SLC2A14: variants seen among roughly 807,000 people sequenced by gnomAD.
SLC2A14 encodes solute carrier family 2, facilitated glucose transporter member 14.
A neutral mutation model predicts 43.0 loss-of-function variants in SLC2A14; 13 were observed. The observed-to-expected ratio is 0.30, with a 90% CI of 0.20 to 0.48. SLC2A14 has a LOEUF of 0.48. Among genes scored for constraint, SLC2A14 ranks in the 20% least tolerant of loss-of-function variants. The pLI is 0.99. For synonymous variants in SLC2A14, 190 were observed against 233.8 expected, an observed-to-expected ratio of 0.81 and a Z score of 1.71; for missense variants, 428 against 620.4, an observed-to-expected ratio of 0.69 and a Z score of 3.29.
At chr12:7,886,424 CT>C (rs1176747459) in intron 1 of SLC2A14, among the ~76,000 whole-genome samples, 2 of 151,180 alleles carry the variant, frequency 1.3e-5, no homozygotes, top group Non-Finnish European at 2.9e-5. Flanking sequence ...CCAGGCTGGT[CT>C]CAAATACCTG....
At chr12:7,849,146 C>T (rs770598342) in intron 2 of SLC2A14, among the ~76,000 whole-genome samples, 13 of 152,148 alleles carry the variant, frequency 8.5e-5, no homozygotes, top group Admixed American at 5.9e-4. Context: ...TGAGACACTG[C>T]GCCCGCTTTC....
chr12:7,841,422 G>A lies in SLC2A14; in HGVS notation c.19-8608C>T, dbSNP rs1372050411. 3.9e-5 allele frequency among the ~76,000 whole-genome samples: 6 copies of A among 152,010 alleles called. No individual in the cohort carries two copies. The East Asian group carries it at 7.8e-4, about 20-fold the overall frequency. Reference sequence around the variant, plus strand: ...ATTACAGGCACCCATCACCATGCCCGGCTAATTTTTGTATTTTTAGTAGAG... The same window carrying A: ...ATTACAGGCACCCATCACCATGCCCAGCTAATTTTTGTATTTTTAGTAGAG... On this transcript the variant is annotated intron_variant, in intron 2 of 10. Coordinates refer to ENST00000431042, the MANE Select transcript of SLC2A14 (RefSeq NM_001286234.2).
intron 10 of SLC2A14, among the ~76,000 whole-genome samples, chr12:7,814,826 G>A (rs756745526): frequency 1.3e-5 from 2 of 151,820 alleles, no homozygotes; most frequent in Admixed American, 1.3e-4. Context: ...TGGAGATGGA[G>A]TCTCACTCTG....
chr12:7,841,005 T>G (rs1865906178), intron 2 of SLC2A14, among the ~76,000 whole-genome samples: 1 of 152,186 alleles, frequency 6.6e-6, no homozygotes, highest in African/African-American at 2.4e-5. Flanking sequence ...CCCTTTCTCT[T>G]TCATCCCAGA....
chr12:7,877,223 C>T (rs1945478624), upstream of SLC2A14, among the ~76,000 whole-genome samples: 2 of 152,128 alleles, frequency 1.3e-5, no homozygotes, highest in South Asian at 4.1e-4. Flanking sequence ...GTCTTGAACT[C>T]CTGACCTCAG....
intron 1 of SLC2A14, among the ~76,000 whole-genome samples, chr12:7,887,278 GA>G (rs1350437471): frequency 2.6e-5 from 4 of 151,142 alleles, no homozygotes; most frequent in Non-Finnish European, 5.9e-5. Context: ...ATAGCATTCA[GA>G]AAAATCACCT....
chr12:7,883,585 C>CTTT (rs1378522679), intron 1 of SLC2A14, among the ~76,000 whole-genome samples: 1 of 121,080 alleles, frequency 8.3e-6, no homozygotes, highest in African/African-American at 3.2e-5. Context: ...TTTTCTTTTT[C>CTTT]TTTTCTTTTT....
intron 2 of SLC2A14, among the ~76,000 whole-genome samples, chr12:7,862,369 C>G (rs1017106354): frequency 5.3e-5 from 8 of 151,984 alleles, no homozygotes; most frequent in Admixed American, 4.6e-4. Context: ...CCCAGCAGTG[C>G]CAGCCCACCG....
chr12:7,817,945 C>T lies in SLC2A14; in HGVS notation c.1161G>A (p.Trp387Ter), dbSNP rs1260387410. The T allele has an allele frequency of 6.2e-7, 1 of 1,614,106 alleles. No individual in the cohort carries two copies. Among genetic ancestry groups the T allele is most frequent in the Non-Finnish European group, 8.5e-7 (1 of 1,180,034 alleles). ...GGCTGAAGAGTTCGGCCACAATAAA[C>T]CAGGGAATGGGGCCTGGTCCAATTT... Reference protein sequence around the residue: ...CFEIGPGPIPWFIVAELFSQG... With the variant: ...CFEIGPGPIP The change falls in exon 10 of 11, where the codon TGG becomes TGA. Residue 387 changes from tryptophan to a stop codon, truncating the protein, a stop_gained. Coordinates refer to ENST00000431042, the MANE Select transcript of SLC2A14 (RefSeq NM_001286234.2). LOFTEE classifies it high-confidence loss of function.
chr12:7,865,293 T>G (rs906822033), intron 2 of SLC2A14, among the ~76,000 whole-genome samples: 1 of 152,138 alleles, frequency 6.6e-6, no homozygotes, highest in Non-Finnish European at 1.5e-5. Context: ...ATCCCAGCAC[T>G]TTGGGAGGCC....
intron 2 of SLC2A14, among the ~76,000 whole-genome samples, chr12:7,862,569 G>A (rs926982609): frequency 2.0e-5 from 3 of 152,126 alleles, no homozygotes; most frequent in Admixed American, 6.6e-5. Context: ...TAAGGAATGC[G>A]AGCACATGGC....
rs34332998 is a variant in SLC2A14, at chr12:7,844,543, C to CT, written c.19-11730dup. Among the ~76,000 whole-genome samples the CT allele has an allele frequency of 1.6e-3, 239 of 146,052 alleles. 1 individual carries two copies. The highest frequency in any genetic ancestry group is 3.6e-3 in the Middle Eastern group (1 of 280). ...TTTTTTGCCAGTAAATAGTAAACTC[C>CT]TTTTTTTTTTTTAGACAGGGTCTCA... On this transcript the variant is annotated intron_variant, in intron 2 of 10. Coordinates refer to ENST00000431042, the MANE Select transcript of SLC2A14 (RefSeq NM_001286234.2).
upstream of SLC2A14, among the ~76,000 whole-genome samples, chr12:7,874,991 A>ATTATATATAAATATATTTATATATAAT (rs1565585405): frequency 4.5e-3 from 428 of 95,450 alleles, 23 homozygotes; most frequent in African/African-American, 0.016. Flanking sequence ...TTATATATAA[A>ATTATATATAAATATATTTATATATAAT]TTATATATAA....
chr12:7,859,813 A>G (rs2120985163), intron 2 of SLC2A14, among the ~76,000 whole-genome samples: 1 of 152,264 alleles, frequency 6.6e-6, no homozygotes, highest in East Asian at 1.9e-4. Context: ...AGAGTTACAA[A>G]CGAAATGCTG....
At chr12:7,820,599 GTTA>G (rs779254516) in intron 8 of SLC2A14, among the ~76,000 whole-genome samples, 22 of 152,104 alleles carry the variant, frequency 1.4e-4, no homozygotes, top group Non-Finnish European at 2.4e-4. Flanking sequence ...GAAATCTTCT[GTTA>G]TTATTGTTGT....
rs1044268431 is a variant in SLC2A14 at position 7,819,390 on chromosome 12, G to A, written c.1071+92C>T. 3 of 1,534,730 alleles carry A rather than the reference G, an allele frequency of 2.0e-6. No individual in the cohort carries two copies. In the Admixed American group the frequency reaches 6.9e-5, roughly 35 times the overall value. On this transcript the variant is annotated intron_variant, in intron 9 of 10. Coordinates refer to ENST00000431042, the MANE Select transcript of SLC2A14 (RefSeq NM_001286234.2). The stretch of plus-strand genomic sequence containing the variant: ...TCTCCTCTGACTTTATTGACAAACT[G>A]CAACCTTAACAACCCACCCCTTGTG...
intron 2 of SLC2A14, among the ~76,000 whole-genome samples, chr12:7,849,634 C>T (rs1422060298): frequency 6.6e-6 from 1 of 151,970 alleles, no homozygotes; most frequent in Non-Finnish European, 1.5e-5. Flanking sequence ...GGTGCAGTGG[C>T]TCATGCCTGT....
At chr12:7,825,782 G>A (rs868771847) in intron 7 of SLC2A14, among the ~76,000 whole-genome samples, 527 of 61,784 alleles carry the variant, frequency 8.5e-3, no homozygotes, top group Non-Finnish European at 0.011. Context: ...AAAAAAAAAA[G>A]AAAGAAAAGA....
intron 1 of SLC2A14, among the ~76,000 whole-genome samples, chr12:7,887,393 A>G (rs1343783203): frequency 6.6e-6 from 1 of 152,026 alleles, no homozygotes; most frequent in Non-Finnish European, 1.5e-5. Flanking sequence ...GGTGAAGCCC[A>G]TCAGTTAGCA....
Sources: allele counts gnomAD v4.1 joint callset (sites outside exome capture counted in the v4.1 genomes callset), GRCh38; gene constraint gnomAD v4.1.1; transcripts MANE v1.5; gene names NCBI Gene and HGNC (gene_info 2026-07-23, HGNC 2026-07-21).